ABCD4: variants seen among roughly 807,000 people sequenced by gnomAD.
ABCD4 encodes the protein lysosomal cobalamin transporter ABCD4.
A neutral mutation model predicts 86.3 loss-of-function variants in ABCD4; 53 were observed. That is an observed-to-expected ratio of 0.61 (90% confidence interval 0.49 to 0.77). The LOEUF is 0.77. Ranked by LOEUF, ABCD4 falls within the 30% of genes least tolerant of loss-of-function variation. ABCD4 has a pLI of 0.00. For missense variants in ABCD4, 757 were observed against 764.5 expected (o/e 0.99, Z 0.12); for synonymous variants, 328 against 313.6 (o/e 1.05, Z -0.49).
intron 1 of ABCD4, 85 bp from the exon 2 acceptor site, chr14:74,300,353 C>T (rs2084085474): frequency 2.3e-6 from 2 of 869,862 alleles, no homozygotes; most frequent in African/African-American, 3.3e-5. Flanking sequence ...CCACATTGTT[C>T]TGTAGAGGGT....
At chr14:74,288,416 C>T (rs1281261216) in intron 15 of ABCD4, 157 bp from the exon 16 acceptor site, 2 of 726,280 alleles carry the variant, frequency 2.8e-6, no homozygotes, top group Non-Finnish European at 4.5e-6. Flanking sequence ...GGACAGTCTG[C>T]CCCAGGCAGA....
intron 14 of ABCD4, chr14:74,289,111 CAAAAAAAAAAAAAAAAA>C (rs60498100): frequency 1.6e-5 from 12 of 764,188 alleles, no homozygotes; most frequent in East Asian, 1.7e-4. Flanking sequence ...AACTCCATCT[CAAAAAAAAAAAAAAAAA>C]AAAAAAAAAA....
At chr14:74,298,863 T>A (rs1753907835) in intron 3 of ABCD4, among the ~76,000 whole-genome samples, 1 of 152,208 alleles carries the variant, frequency 6.6e-6, no homozygotes, top group Admixed American at 6.5e-5. Flanking sequence ...CTGAGTCTCA[T>A]CATTTACCAT....
Position 74,292,344 on chromosome 14 carries a change from A to G in ABCD4, c.1061T>C (p.Met354Thr). 6.2e-7 allele frequency: 1 copy of G among 1,614,178 alleles called. No homozygotes were observed. The change falls in exon 11 of 19, where the codon ATG (methionine) becomes ACG (threonine). Residue 354 changes from methionine (M) to threonine (T), a missense_variant. Physicochemically the swap from Met to Thr is moderately conservative, Grantham distance 81 (BLOSUM62 -1). Coordinates refer to ENST00000356924, the MANE Select transcript of ABCD4 (RefSeq NM_005050.4). ...CTCGCAGTCCTGTGACTTCAGGGAC[A>G]TGTCCAGAAGCGTCTCCCGAAGCTG... Reference protein sequence around the residue: ...IGQLRETLLDMSLKSQDCEIL... With the variant: ...IGQLRETLLDTSLKSQDCEIL...
chr14:74,287,978 C>A, intron 16 of ABCD4, 92 bp from the exon 17 acceptor site: 1 of 1,277,278 alleles, frequency 7.8e-7, no homozygotes. Context: ...GGTTTCTCTG[C>A]ACAGAGGTGA....
At position 74,290,490 on chromosome 14, in the gene ABCD4, C is replaced by G. The variant is rs776821878; in HGVS notation, c.1128G>C (p.Gly376=). The G allele has an allele frequency of 3.0e-5, 48 of 1,612,996 alleles. No individual in the cohort carries two copies. Among genetic ancestry groups the G allele is most frequent in the Non-Finnish European group, 3.9e-5 (46 of 1,179,998 alleles). ...ESEWGLDTPP[G]WPAAEPADTA... is the part of the protein sequence containing the mutation. ...TGTCTGCTGGCTCTGCCGCTGGCCA[C>G]CCTGGGGGTCTGTGTCAGAGAAGAG... Residue 376 remains glycine, a synonymous_variant, in exon 12 of 19, where the codon GGG becomes GGC. Transcript: ENST00000356924.
At position 74,297,961 on chromosome 14, in the gene ABCD4, G is replaced by C. The variant is rs2083301676; in HGVS notation, c.394C>G (p.Leu132Val). 6.2e-7 allele frequency: 1 copy of C among 1,613,764 alleles called. No individual in the cohort carries two copies. Among genetic ancestry groups the C allele is most frequent in the Non-Finnish European group, 8.5e-7 (1 of 1,179,926 alleles). The stretch of plus-strand genomic sequence containing the variant: ...TCGATGTCATCCCGCAGCACGTTGA[G>C]GGTGTAGTACGCACGGCCCCGGAAG... ...LYFRGRAYYT[L>V]NVLRDDIDNP... The change falls in exon 4 of 19, where the codon CTC (leucine) becomes GTC (valine). Residue 132 changes from leucine (L) to valine (V), a missense_variant. Physicochemically the swap from Leu to Val is conservative, Grantham distance 32 (BLOSUM62 1). Coordinates refer to ENST00000356924, the MANE Select transcript of ABCD4 (RefSeq NM_005050.4).
Position 74,290,517 on chromosome 14 carries a change from G to T in ABCD4, c.1119-18C>A. The T allele has an allele frequency of 6.2e-7, 1 of 1,605,340 alleles. No homozygotes were observed. Among genetic ancestry groups the T allele is most frequent in the South Asian group, 1.1e-5 (1 of 90,938 alleles). On this transcript the variant is annotated intron_variant, in intron 11 of 18. Coordinates refer to ENST00000356924, the MANE Select transcript of ABCD4 (RefSeq NM_005050.4). Reference sequence around the variant, plus strand: ...CTGGGGGTCTGTGTCAGAGAAGAGAGGGGGCGTGAGGAAGATGGGCAGGGT... The same window carrying T: ...CTGGGGGTCTGTGTCAGAGAAGAGATGGGGCGTGAGGAAGATGGGCAGGGT...
intron 1 of ABCD4, among the ~76,000 whole-genome samples, chr14:74,300,817 G>C (rs989192247): frequency 1.3e-5 from 2 of 152,074 alleles, no homozygotes; most frequent in Non-Finnish European, 2.9e-5. Context: ...AGAAGACTTG[G>C]AGGTGGTATC....
At position 74,293,302 on chromosome 14, in the gene ABCD4, G is replaced by C. The variant is rs545405332; in HGVS notation, c.720-54C>G. 2.4e-4 allele frequency: 370 copies of C among 1,556,450 alleles called. 5 individuals carry two copies. The South Asian group carries it at 3.8e-3, about 16-fold the overall frequency. Reference sequence around the variant, plus strand: ...GGGCTGGAGAGGTTCAGCCAGGTTGGGGGGCCGCCTGTCCCATATCACACC... The same window carrying C: ...GGGCTGGAGAGGTTCAGCCAGGTTGCGGGGCCGCCTGTCCCATATCACACC... On this transcript the variant is annotated intron_variant, in intron 7 of 18. Coordinates refer to ENST00000356924, the MANE Select transcript of ABCD4 (RefSeq NM_005050.4).
intron 1 of ABCD4, among the ~76,000 whole-genome samples, chr14:74,301,987 C>A (rs1419936073): frequency 2.0e-5 from 3 of 149,656 alleles, no homozygotes; most frequent in Non-Finnish European, 1.5e-5. Flanking sequence ...CAAAACCAGC[C>A]GCCACTGAAC....
At chr14:74,300,031 C>T (rs535836140) in intron 2 of ABCD4, 119 bp downstream of exon 2, 62 of 655,012 alleles carry the variant, frequency 9.5e-5, no homozygotes, top group Non-Finnish European at 1.5e-4. Context: ...TCACTGCACT[C>T]CAGCCTGGGC....
intron 14 of ABCD4, 99 bp from the exon 15 acceptor site, chr14:74,288,864 A>G (rs2080592912): frequency 2.1e-6 from 3 of 1,462,070 alleles, no homozygotes; most frequent in Admixed American, 2.1e-5. Flanking sequence ...CTGTAATCCC[A>G]ACACTTTGGG....
At chr14:74,296,231 G>T in intron 5 of ABCD4, 102 bp downstream of exon 5, 1 of 1,267,450 alleles carries the variant, frequency 7.9e-7, no homozygotes, top group Non-Finnish European at 1.1e-6. Context: ...GGTAAGGTAC[G>T]GTGGGAGAGA....
intron 4 of ABCD4, chr14:74,297,412 G>A (rs1020485291): frequency 6.6e-6 from 1 of 152,128 alleles, no homozygotes; most frequent in African/African-American, 2.4e-5. Context: ...CTGGATAGTG[G>A]TAATTTTTTT....
At chr14:74,286,890 C>T (rs2079914728) in intron 17 of ABCD4, 74 bp from the exon 18 acceptor site, 1 of 1,418,690 alleles carries the variant, frequency 7.0e-7, no homozygotes, top group Non-Finnish European at 9.7e-7. Context: ...CCCACCCATA[C>T]TCAACCCCAG....
chr14:74,286,714 T>C lies in ABCD4; in HGVS notation c.1739A>G (p.Gln580Arg). ...GMTFISVGHR[Q>R]SLEKFHSLVL... ...GAGCACGGGTACCTTCTCAAGGCTC[T>C]GCCGATGTCCCACACTGATGAACGT... Residue 580 changes from glutamine to arginine, a missense_variant, in exon 18 of 19, where the codon CAG becomes CGG. Transcript: ENST00000356924. 2 of 1,614,144 alleles carry C rather than the reference T, an allele frequency of 1.2e-6. No individual in the cohort carries two copies. The highest frequency in any genetic ancestry group is 1.7e-6 in the Non-Finnish European group (2 of 1,180,040).
At chr14:74,295,697 G>T in intron 6 of ABCD4, 157 bp downstream of exon 6, 1 of 941,474 alleles carries the variant, frequency 1.1e-6, no homozygotes, top group Non-Finnish European at 1.6e-6. Context: ...CCACTTTAGA[G>T]ACAAGAACAT....
At chr14:74,289,636 C>T (rs1207387720) in intron 13 of ABCD4, 117 bp from the exon 14 acceptor site, 1 of 1,510,058 alleles carries the variant, frequency 6.6e-7, no homozygotes, top group Non-Finnish European at 8.8e-7. Context: ...GGTGGGAACG[C>T]CTGGCCTGGG....
Sources: allele counts gnomAD v4.1 joint callset (sites outside exome capture counted in the v4.1 genomes callset), GRCh38; gene constraint gnomAD v4.1.1; transcripts MANE v1.5; gene names NCBI Gene and HGNC (gene_info 2026-07-23, HGNC 2026-07-21).